CSRNP3: variants seen among roughly 807,000 people sequenced by gnomAD.
CSRNP3 encodes cysteine and serine rich nuclear protein 3.
A neutral mutation model predicts 48.0 loss-of-function variants in CSRNP3; 12 were observed. The observed-to-expected ratio is 0.25, with a 90% CI of 0.16 to 0.41. The LOEUF (loss-of-function observed/expected upper bound fraction) is 0.41. CSRNP3 is among the 10% of genes least tolerant of loss of function. CSRNP3 has a pLI of 1.00. For missense variants in CSRNP3, 580 were observed against 724.4 expected, an observed-to-expected ratio of 0.80 and a Z score of 2.29; for synonymous variants, 263 against 269.7, an observed-to-expected ratio of 0.98 and a Z score of 0.24.
chr2:165,603,533 C>T (rs906030791), intron 4 of CSRNP3, among the ~76,000 whole-genome samples: 3 of 152,106 alleles, frequency 2.0e-5, no homozygotes, highest in African/African-American at 7.2e-5. Flanking sequence ...TCTCCTCATC[C>T]ACTTTTTTTT....
chr2:165,589,144 C>A (rs1333323658), intron 3 of CSRNP3, among the ~76,000 whole-genome samples: 1 of 152,064 alleles, frequency 6.6e-6, no homozygotes, highest in Non-Finnish European at 1.5e-5. Context: ...GGCTCTGTAT[C>A]TAGTCAGTCA....
intron 3 of CSRNP3, among the ~76,000 whole-genome samples, chr2:165,585,286 C>G (rs1354001374): frequency 6.6e-6 from 1 of 151,564 alleles, no homozygotes; most frequent in Non-Finnish European, 1.5e-5. Flanking sequence ...AATTCAGCCA[C>G]TGTCCTCTTC....
In CSRNP3 at chr2:165,682,141, G is replaced by T. The variant is rs1032975824; in HGVS notation, c.*2388G>T. 4.6e-5 allele frequency: 7 copies of T among 151,954 alleles called. No individual in the cohort carries two copies. Among genetic ancestry groups the T allele is most frequent in the Non-Finnish European group, 4.4e-5 (3 of 67,990 alleles). 9.4% of individuals were successfully genotyped at this position (151,954 alleles called of 1,614,324 possible). Reference sequence around the variant, plus strand: ...AGAATGACAGTCCAGTTTCTGAAAAGAGATATTTTAATTTTAGTTCAGCTT... The same window carrying T: ...AGAATGACAGTCCAGTTTCTGAAAATAGATATTTTAATTTTAGTTCAGCTT... On this transcript the variant is annotated 3_prime_UTR_variant, in exon 7 of 7. Coordinates refer to ENST00000651982, the MANE Select transcript of CSRNP3 (RefSeq NM_001172173.2).
intron 4 of CSRNP3, among the ~76,000 whole-genome samples, chr2:165,601,409 G>C (rs1392298666): frequency 6.6e-6 from 1 of 152,122 alleles, no homozygotes; most frequent in Non-Finnish European, 1.5e-5. Context: ...AAAATATCAG[G>C]AAGTAAAAGG....
chr2:165,583,901 A>C (rs1271660000), intron 3 of CSRNP3, among the ~76,000 whole-genome samples: 2 of 152,172 alleles, frequency 1.3e-5, no homozygotes, highest in African/African-American at 4.8e-5. Context: ...GAAGGAATTC[A>C]GGGTGAGTCC....
In CSRNP3 at chr2:165,681,754, TATATATACACACAC is replaced by T. The variant is rs1167367418; in HGVS notation, c.*2003_*2016del. On this transcript the variant is annotated 3_prime_UTR_variant, in exon 7 of 7. Transcript: ENST00000651982. ...ATATATATATATATATATATATATA[TATATATACACACAC>T]ACACACACATACACATATATATACA... 7.5e-5 allele frequency: 8 copies of T among 106,606 alleles called. No homozygotes were observed. Among genetic ancestry groups the T allele is most frequent in the African/African-American group, 2.2e-4 (6 of 27,744 alleles). 6.6% of individuals were successfully genotyped at this position (106,606 alleles called of 1,614,324 possible).
rs151218927 is a variant in CSRNP3 at position 165,556,090 on chromosome 2, G to A, written c.-24+38129G>A. ...CGGTGCCATGGTCTCTTTAGGGGAA[G>A]ACAGCAGTAGCAGGGATGCTGCTGA... is the stretch of plus-strand genomic sequence containing the variant. On this transcript the variant is annotated intron_variant, in intron 3 of 6. Transcript: ENST00000651982. Among the ~76,000 whole-genome samples the A allele has an allele frequency of 1.3e-4, 20 of 152,288 alleles. 1 individual carries two copies. Among genetic ancestry groups the A allele is most frequent in the Middle Eastern group, 3.4e-3 (1 of 294 alleles).
intron 2 of CSRNP3, among the ~76,000 whole-genome samples, chr2:165,515,978 A>C (rs1684577577): frequency 6.6e-6 from 1 of 151,360 alleles, no homozygotes; most frequent in Non-Finnish European, 1.5e-5. Flanking sequence ...GCTAATTTTT[A>C]CATTTTTAGT....
intron 3 of CSRNP3, among the ~76,000 whole-genome samples, chr2:165,536,235 C>A (rs953537848): frequency 1.3e-5 from 2 of 151,886 alleles, no homozygotes; most frequent in Non-Finnish European, 2.9e-5. Context: ...GTTATTAGTT[C>A]AGTACTGGCA....
intron 3 of CSRNP3, among the ~76,000 whole-genome samples, chr2:165,580,161 C>T (rs1234451310): frequency 6.6e-6 from 1 of 152,034 alleles, no homozygotes; most frequent in Non-Finnish European, 1.5e-5. Context: ...ATCTCCTGAC[C>T]TCGTGATCCG....
At chr2:165,512,975 C>G (rs956165976) in intron 2 of CSRNP3, among the ~76,000 whole-genome samples, 1 of 152,002 alleles carries the variant, frequency 6.6e-6, no homozygotes, top group African/African-American at 2.4e-5. Flanking sequence ...CGTGGTGGCA[C>G]GCGCCTGTAG....
intron 4 of CSRNP3, among the ~76,000 whole-genome samples, chr2:165,653,110 T>C (rs72879788): frequency 0.11 from 17,319 of 152,182 alleles, 1,251 homozygotes; most frequent in South Asian, 0.21. Flanking sequence ...CATTTTGTGA[T>C]GTTAGTCAAA....
Position 165,491,159 on chromosome 2 carries a change from CAAAA to C in CSRNP3, c.-282-3599_-282-3596del, listed in dbSNP as rs1318240932. Among the ~76,000 whole-genome samples, 373 of 74,688 alleles carry C rather than the reference CAAAA, an allele frequency of 5.0e-3. 2 individuals carry two copies. Among genetic ancestry groups the C allele is most frequent in the African/African-American group, 0.018 (349 of 19,242 alleles). The allele number at this position is 74,688 out of a possible 152,430, so 49.0% of individuals were successfully genotyped here. On this transcript the variant is annotated intron_variant, in intron 1 of 6. Transcript: ENST00000651982. ...GCGAAGGACATGAACAGACACTTCTCAAAAGAAGACATTTATGCAGCCAAAAAAC... is the reference window on the plus strand; with the variant it reads ...GCGAAGGACATGAACAGACACTTCTCGAAGACATTTATGCAGCCAAAAAAC...
intron 3 of CSRNP3, among the ~76,000 whole-genome samples, chr2:165,563,861 T>TC (rs1266003955): frequency 6.6e-6 from 1 of 152,088 alleles, no homozygotes; most frequent in East Asian, 1.9e-4. Context: ...AAGATCTTCC[T>TC]CCAACTTAAA....
chr2:165,590,774 A>G (rs1685703660), intron 3 of CSRNP3, among the ~76,000 whole-genome samples: 1 of 152,244 alleles, frequency 6.6e-6, no homozygotes, highest in African/African-American at 2.4e-5. Context: ...CCATAATTGT[A>G]AGTTTCCTGA....
At chr2:165,617,542 G>A (rs1426697995) in intron 4 of CSRNP3, among the ~76,000 whole-genome samples, 1 of 152,224 alleles carries the variant, frequency 6.6e-6, no homozygotes, top group Non-Finnish European at 1.5e-5. Flanking sequence ...GCCCCTAGGT[G>A]GCACATGTGT....
At chr2:165,574,338 G>T in intron 3 of CSRNP3, 1 of 1,545,168 alleles carries the variant, frequency 6.5e-7, no homozygotes, top group Non-Finnish European at 8.8e-7. Context: ...GTTCTCTGCA[G>T]CAGTGTTTTG....
At position 165,641,644 on chromosome 2, in the gene CSRNP3, T is replaced by G. The variant is rs118075596; in HGVS notation, c.149-16117T>G. Among the ~76,000 whole-genome samples the G allele has an allele frequency of 2.2e-4, 33 of 152,232 alleles. No homozygotes were observed. In the East Asian group the frequency reaches 6.4e-3, roughly 29 times the overall value. ...TCTGGTAGGGATCAGAGATGAAAATTTTGCTCATATAAATCACTTAAAAAT... is the reference window on the plus strand; with the variant it reads ...TCTGGTAGGGATCAGAGATGAAAATGTTGCTCATATAAATCACTTAAAAAT... On this transcript the variant is annotated intron_variant, in intron 4 of 6. Transcript: ENST00000651982.
rs1377223200 is a variant in CSRNP3, at chr2:165,494,819, A to G, written c.-222A>G. ...TTAAAGGGGAAGTTTGAAGAAGTCA[A>G]CGGCTCCTCACCCTGCTCTTCAGTG... On this transcript the variant is annotated 5_prime_UTR_variant, in exon 2 of 7. Coordinates refer to ENST00000651982, the MANE Select transcript of CSRNP3 (RefSeq NM_001172173.2). The G allele has an allele frequency of 4.8e-6, 1 of 207,018 alleles. No individual in the cohort carries two copies. Among genetic ancestry groups the G allele is most frequent in the East Asian group, 1.1e-4 (1 of 8,776 alleles). 12.8% of individuals were successfully genotyped at this position (207,018 alleles called of 1,614,324 possible).
Sources: gnomAD v4.1 joint callset for allele counts (sites outside exome capture counted in the v4.1 genomes callset) on GRCh38, gnomAD v4.1.1 for gene constraint, MANE v1.5 for transcripts, NCBI Gene and HGNC (gene_info 2026-07-23, HGNC 2026-07-21) for gene names.